The following GALNT13 variants were observed in gnomAD, a reference collection of about 807,000 sequenced individuals.
GALNT13 encodes UDP-GalNAc:polypeptide N-acetylgalactosaminyltransferase 13.
In GALNT13, 28 loss-of-function variants were observed where a neutral mutation model predicts 64.2. That is an observed-to-expected ratio of 0.44 (90% CI 0.32 to 0.60). The LOEUF is 0.60. GALNT13 is among the 20% of genes least tolerant of loss of function. The pLI is 0.05. For synonymous variants in GALNT13, 214 were observed against 224.6 expected (o/e 0.95, Z 0.42); for missense variants, 577 against 669.8 (o/e 0.86, Z 1.53).
At chr2:153,152,830 C>T in the GALNT13 span, among the ~76,000 whole-genome samples, 1 of 152,128 alleles carries the variant, frequency 6.6e-6, no homozygotes, top group African/African-American at 2.4e-5. Flanking sequence ...TAGGTTGATA[C>T]CCTGTCTTTG....
At chr2:154,061,041 T>TTCTTAGCTTTA (rs1294814688) in intron 3 of GALNT13, among the ~76,000 whole-genome samples, 1 of 10,448 alleles carries the variant, frequency 9.6e-5, no homozygotes, top group Admixed American at 4.1e-4. Context: ...TCTTCTTAGC[T>TTCTTAGCTTTA]TATATATATA....
chr2:153,936,235 A>G (rs1690903483), intron 2 of GALNT13, among the ~76,000 whole-genome samples: 1 of 152,206 alleles, frequency 6.6e-6, no homozygotes, highest in African/African-American at 2.4e-5. Flanking sequence ...TTTGCATAAC[A>G]CTCACATTGT....
the GALNT13 span, among the ~76,000 whole-genome samples, chr2:153,806,808 G>A: frequency 6.6e-6 from 1 of 152,014 alleles, no homozygotes; most frequent in East Asian, 1.9e-4. Context: ...AATAGTGAGG[G>A]AAAGGAATAG....
chr2:153,696,118 T>C, the GALNT13 span, among the ~76,000 whole-genome samples: 3 of 152,054 alleles, frequency 2.0e-5, no homozygotes, highest in South Asian at 6.2e-4. Context: ...TCAGTCCGAG[T>C]CCCAAAACTT....
intron 4 of GALNT13, among the ~76,000 whole-genome samples, chr2:154,196,224 CAA>C (rs139596692): frequency 1.5e-5 from 2 of 130,612 alleles, no homozygotes; most frequent in Non-Finnish European, 1.6e-5. Flanking sequence ...ATCTGATACT[CAA>C]AAAAAAAAAA....
At chr2:153,255,962 G>A in the GALNT13 span, among the ~76,000 whole-genome samples, 4 of 151,990 alleles carry the variant, frequency 2.6e-5, no homozygotes, top group South Asian at 2.1e-4. Flanking sequence ...TGCTCTTCTC[G>A]AGGAATATCT....
chr2:154,296,986 CA>C (rs1692962234), intron 8 of GALNT13, among the ~76,000 whole-genome samples: 1 of 151,942 alleles, frequency 6.6e-6, no homozygotes, highest in Non-Finnish European at 1.5e-5. Flanking sequence ...ATTCCGGGTA[CA>C]GGGGAAGGAG....
At chr2:153,885,944 A>G (rs1246916453) in intron 1 of GALNT13, among the ~76,000 whole-genome samples, 3 of 152,204 alleles carry the variant, frequency 2.0e-5, no homozygotes, top group East Asian at 1.9e-4. Flanking sequence ...TTAACTATGA[A>G]CATGAATCAG....
At chr2:153,405,003 A>G in the GALNT13 span, among the ~76,000 whole-genome samples, 1 of 152,164 alleles carries the variant, frequency 6.6e-6, no homozygotes. Flanking sequence ...ATCCAATTGA[A>G]TTTGGGTGCT....
At chr2:154,093,594 T>C (rs1701928497) in intron 3 of GALNT13, among the ~76,000 whole-genome samples, 1 of 150,638 alleles carries the variant, frequency 6.6e-6, no homozygotes, top group African/African-American at 2.4e-5. Context: ...ATGAAATAGA[T>C]GAATAAAAAA....
the GALNT13 span, among the ~76,000 whole-genome samples, chr2:153,394,856 C>T: frequency 3.3e-5 from 5 of 152,092 alleles, no homozygotes; most frequent in African/African-American, 9.7e-5. Context: ...GATTCTGGCA[C>T]GTTTTCGTTG....
chr2:153,748,119 A>T, the GALNT13 span, among the ~76,000 whole-genome samples: 887 of 152,198 alleles, frequency 5.8e-3, 4 homozygotes, highest in Non-Finnish European at 0.01. Context: ...CTTGTGCAAT[A>T]TTTCATTTGG....
the GALNT13 span, among the ~76,000 whole-genome samples, chr2:153,317,630 G>A: frequency 2.6e-5 from 4 of 151,806 alleles, no homozygotes; most frequent in East Asian, 1.9e-4. Flanking sequence ...GGAGACAGCC[G>A]ACTGCCTTTC....
chr2:153,316,382 C>T, the GALNT13 span, among the ~76,000 whole-genome samples: 1 of 152,030 alleles, frequency 6.6e-6, no homozygotes, highest in Admixed American at 6.6e-5. Context: ...GTGGCTCAAG[C>T]CTGTAATCCC....
chr2:153,984,380 G>A (rs1694660452), intron 3 of GALNT13, among the ~76,000 whole-genome samples: 1 of 151,760 alleles, frequency 6.6e-6, no homozygotes, highest in Non-Finnish European at 1.5e-5. Context: ...ACTAGCTCCA[G>A]AAGACTGTAG....
chr2:153,767,274 G>A, the GALNT13 span, among the ~76,000 whole-genome samples: 1 of 152,004 alleles, frequency 6.6e-6, no homozygotes, highest in Non-Finnish European at 1.5e-5. Flanking sequence ...TGCTGCAAAG[G>A]ACATGAATTT....
the GALNT13 span, among the ~76,000 whole-genome samples, chr2:153,182,675 A>G: frequency 2.0e-5 from 3 of 151,966 alleles, no homozygotes; most frequent in Non-Finnish European, 4.4e-5. Context: ...CCACTATCTC[A>G]TCATTCAGGT....
intron 4 of GALNT13, among the ~76,000 whole-genome samples, chr2:154,168,354 A>G (rs911842658): frequency 2.2e-4 from 34 of 152,146 alleles, no homozygotes; most frequent in African/African-American, 8.2e-4. Flanking sequence ...TATCTATTAA[A>G]GCCCTCAACT....
At chr2:154,446,852 T>C (rs1701607071) in intron 12 of GALNT13, 1 of 1,325,328 alleles carries the variant, frequency 7.5e-7, no homozygotes, top group Admixed American at 3.0e-5. Context: ...AAAATGTGGT[T>C]AAGAAAAATT....
Sources: gnomAD v4.1 joint callset for allele counts (sites outside exome capture counted in the v4.1 genomes callset) on GRCh38, gnomAD v4.1.1 for gene constraint, MANE v1.5 for transcripts, NCBI Gene and HGNC (gene_info 2026-07-23, HGNC 2026-07-21) for gene names.